SLC2A14: variants seen among roughly 807,000 people sequenced by gnomAD.
SLC2A14 encodes the protein solute carrier family 2, facilitated glucose transporter member 14.
A neutral mutation model predicts 43.0 loss-of-function variants in SLC2A14; 13 were observed. The ratio of observed to expected loss-of-function variants is 0.30; its 90% CI spans 0.20 to 0.48. The LOEUF (loss-of-function observed/expected upper bound fraction) is 0.48, where lower values mean the gene tolerates loss of function less well. SLC2A14 is among the 20% of genes least tolerant of loss of function. The probability of loss-of-function intolerance (pLI) is 0.99; values close to 1 mark genes in which losing one functional copy is unlikely to be tolerated. For synonymous variants in SLC2A14, 190 were observed against 233.8 expected, an observed-to-expected ratio of 0.81 and a Z score of 1.71; for missense variants, 428 against 620.4, an observed-to-expected ratio of 0.69 and a Z score of 3.29.
At chr12:7,880,600 G>A (rs10400582) in intron 1 of SLC2A14, among the ~76,000 whole-genome samples, 81,161 of 150,654 alleles carry the variant, frequency 0.54, 22,276 homozygotes, top group Admixed American at 0.6. Flanking sequence ...AGACTGAGGC[G>A]GATGGATCAC....
intron 1 of SLC2A14, chr12:7,870,767 T>A: frequency 1.3e-6 from 1 of 773,818 alleles, no homozygotes; most frequent in Non-Finnish European, 1.7e-6. Flanking sequence ...TTAACTCAAA[T>A]AAATATACTT....
upstream of SLC2A14, among the ~76,000 whole-genome samples, chr12:7,873,991 A>C (rs770811909): frequency 6.6e-6 from 1 of 152,296 alleles, no homozygotes; most frequent in South Asian, 2.1e-4. Flanking sequence ...TCTATACTGC[A>C]CTTCTTAAAT....
Position 7,817,901 on chromosome 12 carries a change from G to A in SLC2A14, c.1205C>T (p.Ala402Val), listed in dbSNP as rs747162566. ...GTTGGAGCAGCCGGCCACTGCCATC[G>A]CAGCTGGGCGGGGGCCCTGGCTGAA... The part of the protein sequence containing the change: ...ELFSQGPRPA[A>V]MAVAGCSNWT... The change falls in exon 10 of 11, where the codon GCG (alanine) becomes GTG (valine). Residue 402 changes from alanine (A) to valine (V), a missense_variant. This residue lies in a region of SLC2A14 where 119 missense variants were observed against 188.7 expected (regional missense o/e 0.63). Coordinates refer to ENST00000431042, the MANE Select transcript of SLC2A14 (RefSeq NM_001286234.2). 5.6e-6 allele frequency: 9 copies of A among 1,614,086 alleles called. No homozygotes were observed. The highest frequency in any genetic ancestry group is 2.7e-5 in the African/African-American group (2 of 74,922).
intron 1 of SLC2A14, chr12:7,871,229 A>G: frequency 1.6e-6 from 2 of 1,241,860 alleles, no homozygotes; most frequent in Non-Finnish European, 1.0e-6. Context: ...CACCTCCAGG[A>G]GCTGCTCACC....
intron 4 of SLC2A14, 190 bp downstream of exon 4, chr12:7,831,413 TG>T (rs1246281616): frequency 1.9e-5 from 14 of 736,538 alleles, no homozygotes; most frequent in Non-Finnish European, 2.2e-5. Context: ...CACAGCTGGG[TG>T]GGAGCTCTCC....
Position 7,828,802 on chromosome 12 carries a change from A to ATG in SLC2A14, c.576_577dup (p.Ile193ThrfsTer52), listed in dbSNP as rs1199418589. ...TGCACTTTGCAGGATAGCTGGAAGG[A>ATG]TGGTAAAGCCTAATAGCACCGGCCA... On this transcript the variant is annotated frameshift_variant, in exon 6 of 11. Coordinates refer to ENST00000431042, the MANE Select transcript of SLC2A14 (RefSeq NM_001286234.2). LOFTEE classifies it high-confidence loss of function. 6.2e-7 allele frequency: 1 copy of ATG among 1,614,066 alleles called. No individual in the cohort carries two copies. Among genetic ancestry groups the ATG allele is most frequent in the Non-Finnish European group, 8.5e-7 (1 of 1,180,046 alleles).
intron 7 of SLC2A14, among the ~76,000 whole-genome samples, chr12:7,825,888 T>C (rs755554337): frequency 6.6e-6 from 1 of 150,884 alleles, no homozygotes; most frequent in Non-Finnish European, 1.5e-5. Flanking sequence ...CACAGGTGAT[T>C]TTTTTCTGAC....
chr12:7,860,946 C>A (rs942250648), intron 2 of SLC2A14, among the ~76,000 whole-genome samples: 4 of 152,106 alleles, frequency 2.6e-5, no homozygotes, highest in African/African-American at 7.2e-5. Flanking sequence ...GCATGCACCA[C>A]CATGCCCAGC....
chr12:7,878,754 G>A (rs939953868), intron 1 of SLC2A14, among the ~76,000 whole-genome samples: 2 of 151,514 alleles, frequency 1.3e-5, no homozygotes, highest in African/African-American at 4.8e-5. Context: ...CAAGGTGGGC[G>A]GATCACGAGG....
Position 7,824,728 on chromosome 12 carries a change from CAA to C in SLC2A14, c.864+2765_864+2766del, listed in dbSNP as rs59362614. Reference sequence around the variant, plus strand: ...AGCCGGGGTGACAGAGACTCTGTCTCAAAAAAAAAAAAAAAAAAGAATACATT... The same window carrying C: ...AGCCGGGGTGACAGAGACTCTGTCTCAAAAAAAAAAAAAAAAGAATACATT... On this transcript the variant is annotated intron_variant, in intron 7 of 10. Transcript: ENST00000431042. Among the ~76,000 whole-genome samples, 130 of 113,300 alleles carry C rather than the reference CAA, an allele frequency of 1.1e-3. 1 individual carries two copies. The highest frequency in any genetic ancestry group is 4.1e-3 in the African/African-American group (117 of 28,452). The allele number at this position is 113,300 out of a possible 152,430, so 74.3% of individuals were successfully genotyped here.
At chr12:7,870,892 G>A (rs1340687475) in intron 1 of SLC2A14, 2 of 1,356,108 alleles carry the variant, frequency 1.5e-6, no homozygotes, top group South Asian at 1.2e-5. Context: ...ACCAAGAAGC[G>A]ACCACAGCAC....
rs575104229 is a variant in SLC2A14, at chr12:7,841,279, AT to A, written c.19-8466del. ...ATTATCATTATTATTTATTGTTATTATTTTTTTCTTGCACTCTGTCACCCAG... is the reference window on the plus strand; with the variant it reads ...ATTATCATTATTATTTATTGTTATTATTTTTTCTTGCACTCTGTCACCCAG... On this transcript the variant is annotated intron_variant, in intron 2 of 10. Coordinates refer to ENST00000431042, the MANE Select transcript of SLC2A14 (RefSeq NM_001286234.2). 2.2e-3 allele frequency among the ~76,000 whole-genome samples: 334 copies of A among 151,766 alleles called. 2 individuals carry two copies. The highest frequency in any genetic ancestry group is 0.01 in the Admixed American group (154 of 15,222).
chr12:7,838,759 T>C (rs937576263), intron 2 of SLC2A14, among the ~76,000 whole-genome samples: 2 of 152,196 alleles, frequency 1.3e-5, no homozygotes, highest in African/African-American at 2.4e-5. Flanking sequence ...GGCAAAGTGT[T>C]ATGGACTAAA....
At chr12:7,837,809 G>A (rs1865584506) in intron 2 of SLC2A14, among the ~76,000 whole-genome samples, 1 of 151,722 alleles carries the variant, frequency 6.6e-6, no homozygotes, top group Non-Finnish European at 1.5e-5. Context: ...CCAGGCTAGA[G>A]TGCAGTAGCA....
At chr12:7,878,037 G>A (rs888271092), upstream of SLC2A14, among the ~76,000 whole-genome samples, 10 of 151,654 alleles carry the variant, frequency 6.6e-5, no homozygotes, top group Non-Finnish European at 1.2e-4. Context: ...CACCATGCCC[G>A]GCCTTATTGT....
At chr12:7,862,843 G>A (rs1451407437) in intron 2 of SLC2A14, among the ~76,000 whole-genome samples, 1 of 152,058 alleles carries the variant, frequency 6.6e-6, no homozygotes, top group African/African-American at 2.4e-5. Context: ...TCTGTGTGTG[G>A]AAACTCTGTA....
intron 2 of SLC2A14, among the ~76,000 whole-genome samples, chr12:7,846,404 T>TAA (rs34368487): frequency 3.5e-5 from 5 of 142,070 alleles, no homozygotes; most frequent in Admixed American, 1.4e-4. Context: ...CATTATTGGT[T>TAA]AAAAAAAAAA....
chr12:7,859,267 G>C (rs760056187), intron 2 of SLC2A14, among the ~76,000 whole-genome samples: 1 of 152,190 alleles, frequency 6.6e-6, no homozygotes, highest in South Asian at 2.1e-4. Context: ...GCGCATGCCT[G>C]TAATCCCAGC....
At chr12:7,869,399 C>A (rs2121055986) in intron 2 of SLC2A14, among the ~76,000 whole-genome samples, 1 of 152,286 alleles carries the variant, frequency 6.6e-6, no homozygotes, top group Non-Finnish European at 1.5e-5. Flanking sequence ...AATACATTTT[C>A]TTGATCTTTA....
Sources: gnomAD v4.1 joint callset for allele counts (sites outside exome capture counted in the v4.1 genomes callset) on GRCh38, gnomAD v4.1.1 for gene constraint, gnomAD v4.1.1 regional missense constraint, MANE v1.5 for transcripts, NCBI Gene and HGNC (gene_info 2026-07-23, HGNC 2026-07-21) for gene names.